The following NDUFB2 variants were observed in gnomAD, a reference collection of about 807,000 sequenced individuals.
The protein encoded by NDUFB2 is NADH:ubiquinone oxidoreductase subunit B2.
A neutral mutation model predicts 13.4 loss-of-function variants in NDUFB2; 13 were observed. The ratio of observed to expected loss-of-function variants is 0.97; its 90% CI spans 0.63 to 1.54. The LOEUF is 1.54. Among genes scored for constraint, NDUFB2 ranks in the 40% most tolerant of loss-of-function variants. NDUFB2 has a pLI of 0.00. For missense variants in NDUFB2, 150 were observed against 139.7 expected, an observed-to-expected ratio of 1.07 and a Z score of -0.37; for synonymous variants, 47 against 50.6, an observed-to-expected ratio of 0.93 and a Z score of 0.30.
At chr7:140,701,285 T>A (rs114244347) in intron 1 of NDUFB2, among the ~76,000 whole-genome samples, 2,835 of 152,320 alleles carry the variant, frequency 0.019, 88 homozygotes, top group African/African-American at 0.063. Context: ...TCATTAATAA[T>A]TACAGGCCTT....
chr7:140,701,044 T>A (rs552241285), intron 1 of NDUFB2: 1 of 152,312 alleles, frequency 6.6e-6, no homozygotes, highest in African/African-American at 2.4e-5. Flanking sequence ...TCATAATTAG[T>A]TATTAATACC....
chr7:140,704,740 TG>T, intron 2 of NDUFB2, 119 bp from the exon 3 acceptor site: 1 of 621,628 alleles, frequency 1.6e-6, no homozygotes, highest in Non-Finnish European at 2.6e-6. Context: ...TTTGTTCCTG[TG>T]GTCAGGGGCT....
chr7:140,697,798 A>G (rs1794838170), intron 1 of NDUFB2, among the ~76,000 whole-genome samples: 1 of 152,124 alleles, frequency 6.6e-6, no homozygotes, highest in African/African-American at 2.4e-5. Context: ...TTTGGCGTCC[A>G]TTTGCAAGGA....
At chr7:140,706,250 G>A (rs1794973213) in intron 3 of NDUFB2, 1 of 151,832 alleles carries the variant, frequency 6.6e-6, no homozygotes, top group African/African-American at 2.4e-5. Context: ...GCTAATTTTT[G>A]TATATTTTGT....
At chr7:140,702,633 C>T (rs1301127620) in intron 1 of NDUFB2, 2 of 454,570 alleles carry the variant, frequency 4.4e-6, no homozygotes, top group African/African-American at 3.9e-5. Flanking sequence ...AATGAATCTT[C>T]ACTAATTGAA....
At chr7:140,696,956 T>C in intron 1 of NDUFB2, 114 bp downstream of exon 1, 2 of 954,850 alleles carry the variant, frequency 2.1e-6, no homozygotes, top group South Asian at 1.5e-5. Context: ...CGAGGCATGC[T>C]GGGACCTGTA....
chr7:140,700,413 G>C (rs930372496), intron 1 of NDUFB2, among the ~76,000 whole-genome samples: 13 of 150,726 alleles, frequency 8.6e-5, no homozygotes, highest in Middle Eastern at 3.4e-3. Context: ...ATAAGCCACC[G>C]TGTCCGGCCT....
rs1291949204 is a variant in NDUFB2 at position 140,704,398 on chromosome 7, C to T, written c.244-462C>T. ...GTAGGTCAGCTGTCCGGAGTATGTA[C>T]AGTATGTATAGCTGTTAGGCCTGAG... On this transcript the variant is annotated intron_variant, in intron 2 of 3. Coordinates refer to ENST00000247866, the MANE Select transcript of NDUFB2 (RefSeq NM_004546.3). 2.0e-5 allele frequency among the ~76,000 whole-genome samples: 3 copies of T among 152,134 alleles called. No individual in the cohort carries two copies. In the East Asian group the frequency reaches 5.8e-4, roughly 29 times the overall value.
intron 1 of NDUFB2, chr7:140,701,774 A>AC (rs1023816553): frequency 1.3e-5 from 4 of 298,942 alleles, no homozygotes; most frequent in African/African-American, 8.7e-5. Flanking sequence ...CTCTACTAAA[A>AC]AAAAAACAAA....
Position 140,697,137 on chromosome 7 carries a change from G to T in NDUFB2, c.98+295G>T, listed in dbSNP as rs1044535006. On this transcript the variant is annotated intron_variant, in intron 1 of 3. Coordinates refer to ENST00000247866, the MANE Select transcript of NDUFB2 (RefSeq NM_004546.3). ...GAATGCGGAGCGGGCTGAGCCAGTC[G>T]GCGCCGGCGCGGGCGGTCCAGGCGG... 196 of 589,666 alleles carry T rather than the reference G, an allele frequency of 3.3e-4. 1 individual carries two copies. Among genetic ancestry groups the T allele is most frequent in the Non-Finnish European group, 2.0e-4 (68 of 335,246 alleles). 36.5% of individuals were successfully genotyped at this position (589,666 alleles called of 1,614,324 possible). A position where few individuals can be genotyped will look rare whatever the true frequency, so the allele number is the denominator to read the frequency against.
intron 1 of NDUFB2, chr7:140,698,047 G>A (rs759622753): frequency 4.6e-6 from 6 of 1,301,308 alleles, no homozygotes; most frequent in Non-Finnish European, 6.0e-6. Flanking sequence ...GACCGTACAA[G>A]TATTCTTTAA....
At chr7:140,696,938 C>A in intron 1 of NDUFB2, 96 bp downstream of exon 1, 1 of 1,179,982 alleles carries the variant, frequency 8.5e-7, no homozygotes. Flanking sequence ...CCTGAAGAGG[C>A]CGCGTCCCGA....
chr7:140,699,091 G>T (rs942651654), intron 1 of NDUFB2, among the ~76,000 whole-genome samples: 8 of 152,192 alleles, frequency 5.3e-5, no homozygotes, highest in Admixed American at 6.5e-5. Flanking sequence ...CCAGGAGGCA[G>T]AGGTTGCAGT....
In NDUFB2 at chr7:140,696,772, T is replaced by G. The variant is rs1794812396; in HGVS notation, c.28T>G (p.Phe10Val). ...GTCCGCTCTGACTCGGCTGGCGTCT[T>G]TCGCTCGCGTTGGAGGCCGCCTTTT... MSALTRLASFARVGGRLFRS... is the reference protein window; with the variant it reads MSALTRLASVARVGGRLFRS... Residue 10 changes from phenylalanine to valine, a missense_variant, in exon 1 of 4, where the codon TTC becomes GTC. Transcript: ENST00000247866. The G allele has an allele frequency of 6.2e-7, 1 of 1,604,878 alleles. No individual in the cohort carries two copies.
Position 140,704,881 on chromosome 7 carries a change from C to T in NDUFB2, c.265C>T (p.Pro89Ser). The T allele has an allele frequency of 6.2e-7, 1 of 1,600,968 alleles. No individual in the cohort carries two copies. Among genetic ancestry groups the T allele is most frequent in the Non-Finnish European group, 8.5e-7 (1 of 1,174,528 alleles). The change falls in exon 3 of 4, where the codon CCT (proline) becomes TCT (serine). Residue 89 changes from proline (P) to serine (S), a missense_variant. Physicochemically the swap from Pro to Ser is moderately conservative, Grantham distance 74. Transcript: ENST00000247866. ...CCAGGGTCACTTTCCGTATCCTGAT[C>T]CTTCCCAGTGGACAGATGAAGAATT... is the stretch of plus-strand genomic sequence containing the variant. ...EVLGHFPYPD[P>S]SQWTDEELGI... is the part of the protein sequence containing the mutation.
chr7:140,697,204 A>C lies in NDUFB2; in HGVS notation c.98+362A>C, dbSNP rs924736160. The C allele has an allele frequency of 4.6e-6, 3 of 647,632 alleles. No homozygotes were observed. The Admixed American group carries it at 7.0e-5, about 15-fold the overall frequency. The allele number at this position is 647,632 out of a possible 1,614,324, so 40.1% of individuals were successfully genotyped here. A position where few individuals can be genotyped will look rare whatever the true frequency, so the allele number is the denominator to read the frequency against. ...GGCGGGTGTGGACGCTCCTGGAGCG[A>C]GGCGGGGGGCGGCGGCGGTGAGGCC... On this transcript the variant is annotated intron_variant, in intron 1 of 3. Transcript: ENST00000247866.
intron 1 of NDUFB2, chr7:140,700,787 CAAAAAAAA>C (rs34168286): frequency 8.6e-6 from 1 of 116,574 alleles, no homozygotes; most frequent in African/African-American, 3.1e-5. Context: ...GACTCCGTCT[CAAAAAAAA>C]AAAAAAGCTC....
intron 3 of NDUFB2, chr7:140,706,050 T>C (rs1262118489): frequency 2.1e-5 from 3 of 146,126 alleles, no homozygotes; most frequent in Non-Finnish European, 3.0e-5. Context: ...TATGTTATGT[T>C]ATGTTATGTT....
intron 1 of NDUFB2, chr7:140,698,067 T>C: frequency 1.5e-6 from 2 of 1,320,674 alleles, no homozygotes; most frequent in Non-Finnish European, 2.0e-6. Context: ...ACTGTTGTTG[T>C]TATTAAGGAA....
Sources: gnomAD v4.1 joint callset for allele counts (sites outside exome capture counted in the v4.1 genomes callset) on GRCh38, gnomAD v4.1.1 for gene constraint, MANE v1.5 for transcripts, NCBI Gene and HGNC (gene_info 2026-07-23, HGNC 2026-07-21) for gene names.